Variants in KANSL1 observed in about 807,000 individuals in gnomAD.
KANSL1 encodes the protein KAT8 regulatory NSL complex subunit 1.
A neutral mutation model predicts 103.6 loss-of-function variants in KANSL1; 22 were observed. That is an observed-to-expected ratio of 0.21 (90% CI 0.15 to 0.30). The LOEUF (loss-of-function observed/expected upper bound fraction) is 0.30, where lower values mean the gene tolerates loss of function less well. Among genes scored for constraint, KANSL1 ranks in the 10% least tolerant of loss-of-function variants. The pLI, the probability that KANSL1 is intolerant of heterozygous loss-of-function variation, is 1.00. For missense variants in KANSL1, 1,337 were observed against 1,399.8 expected (o/e 0.96, Z 0.72); for synonymous variants, 600 against 527.6 (o/e 1.14, Z -1.88).
At chr17:46,114,177 G>C (rs149435565) in intron 2 of KANSL1, among the ~76,000 whole-genome samples, 1 of 152,142 alleles carries the variant, frequency 6.6e-6, no homozygotes, top group African/African-American at 2.4e-5. Flanking sequence ...TGGCCAATAC[G>C]GTGAAACCCC....
At position 46,086,518 on chromosome 17, in the gene KANSL1, CT is replaced by C. The variant is rs562284783; in HGVS notation, c.1432-3977del. Among the ~76,000 whole-genome samples the C allele has an allele frequency of 1.8e-3, 269 of 152,330 alleles. 1 individual carries two copies. Among genetic ancestry groups the C allele is most frequent in the Non-Finnish European group, 2.7e-3 (187 of 68,032 alleles). On this transcript the variant is annotated intron_variant, in intron 3 of 14. Transcript: ENST00000432791. ...AAAATGAGAGACCTATCCCTCTCCC[CT>C]AACCCATCCTTCAAAGTGCTTATTA...
intron 2 of KANSL1, among the ~76,000 whole-genome samples, chr17:46,141,733 T>C (rs1224706607): frequency 2.0e-5 from 3 of 152,382 alleles, no homozygotes; most frequent in Admixed American, 6.5e-5. Context: ...TTAACCTGTA[T>C]GTCTTATGCA....
intron 2 of KANSL1, among the ~76,000 whole-genome samples, chr17:46,142,886 C>A (rs1193725981): frequency 6.6e-6 from 1 of 152,158 alleles, no homozygotes; most frequent in Non-Finnish European, 1.5e-5. Flanking sequence ...TTCTTAGATT[C>A]ATACAATATA....
intron 10 of KANSL1, among the ~76,000 whole-genome samples, chr17:46,036,756 G>A (rs376321601): frequency 3.3e-5 from 5 of 150,662 alleles, no homozygotes; most frequent in Admixed American, 6.6e-5. Flanking sequence ...GTCTTGCTGC[G>A]ACGCCCAGGC....
chr17:46,195,562 C>A (rs2696438), upstream of KANSL1, among the ~76,000 whole-genome samples: 21,958 of 152,086 alleles, frequency 0.14, 2,137 homozygotes, highest in Non-Finnish European at 0.22. Flanking sequence ...ATTAGGCATC[C>A]ACTTGTACTT....
intron 1 of KANSL1, among the ~76,000 whole-genome samples, chr17:46,207,509 C>CAA (rs1306453312): frequency 8.8e-6 from 1 of 113,774 alleles, no homozygotes; most frequent in Admixed American, 9.0e-5. Context: ...ACTCCATCTC[C>CAA]AAAAAAAAAA....
intron 6 of KANSL1, among the ~76,000 whole-genome samples, chr17:46,060,621 T>C (rs2078124156): frequency 6.6e-6 from 1 of 152,222 alleles, no homozygotes; most frequent in Non-Finnish European, 1.5e-5. Flanking sequence ...CAAGGTCTAT[T>C]GCACTCTGTC....
intron 2 of KANSL1, among the ~76,000 whole-genome samples, chr17:46,116,494 C>A (rs1196444570): frequency 5.3e-5 from 8 of 152,236 alleles, no homozygotes; most frequent in Non-Finnish European, 1.0e-4. Flanking sequence ...GGCACCAATG[C>A]ACTCCAGCCT....
At chr17:46,219,698 T>C (rs2048459794) in intron 1 of KANSL1, among the ~76,000 whole-genome samples, 1 of 152,250 alleles carries the variant, frequency 6.6e-6, no homozygotes, top group Non-Finnish European at 1.5e-5. Flanking sequence ...ACTTTGCAGT[T>C]CAATACTAGA....
chr17:46,156,584 T>C (rs1298924642), intron 2 of KANSL1, among the ~76,000 whole-genome samples: 1 of 152,246 alleles, frequency 6.6e-6, no homozygotes, highest in Admixed American at 6.5e-5. Flanking sequence ...CAATGCCTAA[T>C]TCTTGTTTTT....
intron 5 of KANSL1, 49 bp downstream of exon 5, chr17:46,067,500 C>A (rs763992610): frequency 1.7e-6 from 2 of 1,154,836 alleles, no homozygotes; most frequent in Non-Finnish European, 2.6e-6. Context: ...AGCTCCAAAA[C>A]ACCTTTACAA....
Position 46,171,317 on chromosome 17 carries a change from C to A in KANSL1, c.827G>T (p.Ser276Ile). The A allele has an allele frequency of 6.2e-7, 1 of 1,614,138 alleles. No homozygotes were observed. The highest frequency in any genetic ancestry group is 8.5e-7 in the Non-Finnish European group (1 of 1,180,042). The change falls in exon 2 of 15, where the codon AGT becomes ATT. Residue 276 changes from serine (S) to isoleucine (I), a missense_variant. Around this residue, in one of 2 missense-constraint regions of KANSL1, gnomAD observed 557 missense variants for 476.4 expected, o/e 1.17. Coordinates refer to ENST00000432791, the MANE Select transcript of KANSL1 (RefSeq NM_015443.4). ...KKSPLSSILF[S>I]ALDSDTRITA... ...TATCCTTGTGTCAGAATCTAAAGCACTGAAAAGAATGGAAGACAGGGGAGA... is the reference window on the plus strand; with the variant it reads ...TATCCTTGTGTCAGAATCTAAAGCAATGAAAAGAATGGAAGACAGGGGAGA...
chr17:46,146,414 A>G (rs2044700798), intron 2 of KANSL1, among the ~76,000 whole-genome samples: 1 of 152,224 alleles, frequency 6.6e-6, no homozygotes, highest in Non-Finnish European at 1.5e-5. Context: ...CAGTCTTATG[A>G]TAGTCCAGGG....
intron 1 of KANSL1, among the ~76,000 whole-genome samples, chr17:46,188,071 C>T (rs2047114270): frequency 6.6e-6 from 1 of 152,350 alleles, no homozygotes; most frequent in African/African-American, 2.4e-5. Context: ...CTAAAAGGCA[C>T]ATGGCTTAAA....
intron 1 of KANSL1, among the ~76,000 whole-genome samples, chr17:46,175,360 G>GTT (rs2046472349): frequency 7.3e-6 from 1 of 136,646 alleles, no homozygotes; most frequent in East Asian, 2.5e-4. Context: ...GTGTGTGTGT[G>GTT]TGTTTCTGAG....
In KANSL1 at chr17:46,171,857, A is replaced by C; in HGVS notation, c.287T>G (p.Leu96Trp). ...CTTGCTGAAGACCCCTTGCAACTTC[A>C]AAGACTCCTTTGAGGGAACAGATGT... ...DVTSVPSKES[L>W]KLQGVFSKQT... The change falls in exon 2 of 15, where the codon TTG becomes TGG. Residue 96 changes from leucine (L) to tryptophan (W), a missense_variant. This residue lies in a region of KANSL1 where 557 missense variants were observed against 476.4 expected (regional missense o/e 1.17). Transcript: ENST00000432791. 1 of 1,614,254 alleles carries C rather than the reference A, an allele frequency of 6.2e-7. No homozygotes were observed.
chr17:46,136,042 T>TA (rs973218390), intron 2 of KANSL1, among the ~76,000 whole-genome samples: 15 of 152,092 alleles, frequency 9.9e-5, no homozygotes, highest in African/African-American at 1.7e-4. Context: ...TACACTAGTT[T>TA]AAAAAAATCA....
chr17:46,062,879 A>G (rs1247482313), intron 6 of KANSL1, among the ~76,000 whole-genome samples: 2 of 151,832 alleles, frequency 1.3e-5, no homozygotes, highest in African/African-American at 2.4e-5. Context: ...GTGAAACCTC[A>G]TCTCTACTAA....
At chr17:46,107,609 C>G (rs1310502186) in intron 2 of KANSL1, among the ~76,000 whole-genome samples, 1 of 152,214 alleles carries the variant, frequency 6.6e-6, no homozygotes, top group East Asian at 1.9e-4. Flanking sequence ...TGATCTTACC[C>G]AAACTCATGG....
Sources: allele counts gnomAD v4.1 joint callset (sites outside exome capture counted in the v4.1 genomes callset), GRCh38; gene constraint gnomAD v4.1.1; regional missense constraint gnomAD v4.1.1; transcripts MANE v1.5; gene names NCBI Gene and HGNC (gene_info 2026-07-23, HGNC 2026-07-21).